SCAI: variants seen among roughly 807,000 people sequenced by gnomAD.
SCAI encodes the protein suppressor of cancer cell invasion, also known as protein SCAI.
A neutral mutation model predicts 92.2 loss-of-function variants in SCAI; 24 were observed. The observed-to-expected ratio is 0.26, with a 90% CI of 0.19 to 0.37. SCAI has a LOEUF of 0.37. Ranked by LOEUF, SCAI falls within the 10% of genes least tolerant of loss-of-function variation. The pLI, the probability that SCAI is intolerant of heterozygous loss-of-function variation, is 1.00. For missense variants in SCAI, 450 were observed against 736.2 expected, an observed-to-expected ratio of 0.61 and a Z score of 4.50; for synonymous variants, 261 against 258.6, an observed-to-expected ratio of 1.01 and a Z score of -0.09.
At chr9:124,968,688 T>G in intron 17 of SCAI, 2 of 1,368,572 alleles carry the variant, frequency 1.5e-6, no homozygotes, top group Admixed American at 3.4e-5. Context: ...AGTTCCCGAT[T>G]TCCTCAAATT....
At chr9:125,003,990 AC>A (rs1832419061) in intron 9 of SCAI, among the ~76,000 whole-genome samples, 1 of 152,152 alleles carries the variant, frequency 6.6e-6, no homozygotes, top group Non-Finnish European at 1.5e-5. Context: ...AGCCTGGCCA[AC>A]ATGGTGAAAC....
At position 124,999,962 on chromosome 9, in the gene SCAI, A is replaced by G; in HGVS notation, c.1173T>C (p.Thr391=). ...EGPYDFGGVL[T]NSNRDIINGD... is the part of the protein sequence containing the mutation. The stretch of plus-strand genomic sequence containing the variant: ...CATTAATAATATCCCGGTTACTATT[A>G]GTAAGTACACCTCCAAAATCATAAG... The change falls in exon 13 of 18, where the codon ACT becomes ACC. Residue 391 remains threonine, a synonymous_variant. Transcript: ENST00000336505. The G allele has an allele frequency of 6.3e-7, 1 of 1,588,084 alleles. No homozygotes were observed. The highest frequency in any genetic ancestry group is 8.6e-7 in the Non-Finnish European group (1 of 1,165,678).
intron 17 of SCAI, among the ~76,000 whole-genome samples, chr9:124,967,032 AAT>A (rs1831555124): frequency 6.6e-6 from 1 of 152,132 alleles, no homozygotes; most frequent in Non-Finnish European, 1.5e-5. Context: ...GTAAGAAAAT[AAT>A]ATAACATGAG....
At chr9:124,995,578 G>C (rs1419515538) in intron 13 of SCAI, among the ~76,000 whole-genome samples, 1 of 150,936 alleles carries the variant, frequency 6.6e-6, no homozygotes, top group Non-Finnish European at 1.5e-5. Flanking sequence ...CAACCTCCAT[G>C]TCCCGGGCTC....
In SCAI at chr9:124,948,714, G is replaced by A. The variant is rs1036880402; in HGVS notation, c.*4093C>T. 5.3e-5 allele frequency: 8 copies of A among 152,136 alleles called. No individual in the cohort carries two copies. Among genetic ancestry groups the A allele is most frequent in the Non-Finnish European group, 1.2e-4 (8 of 68,038 alleles). 9.4% of individuals were successfully genotyped at this position (152,136 alleles called of 1,614,324 possible). A position where few individuals can be genotyped will look rare whatever the true frequency, so the allele number is the denominator to read the frequency against. On this transcript the variant is annotated 3_prime_UTR_variant, in exon 18 of 18. Transcript: ENST00000336505. Reference sequence around the variant, plus strand: ...GCTTCATTTTGTTTTGTGTATAACTGACTTCTTGCAGTCTTATGCTTTCTA... The same window carrying A: ...GCTTCATTTTGTTTTGTGTATAACTAACTTCTTGCAGTCTTATGCTTTCTA...
rs576572769 is a variant in SCAI at position 125,071,697 on chromosome 9, C to T, written c.99-15690G>A. ...CAGTAGTAATTCAACTGAGACATAG[C>T]ACAACCTAGCAGAAAGTACTGCAGT... is the stretch of plus-strand genomic sequence containing the variant. On this transcript the variant is annotated intron_variant, in intron 2 of 17. Coordinates refer to ENST00000336505, the MANE Select transcript of SCAI (RefSeq NM_001144877.3). Among the ~76,000 whole-genome samples the T allele has an allele frequency of 3.7e-4, 57 of 152,012 alleles. 1 individual carries two copies. The highest frequency in any genetic ancestry group is 3.4e-3 in the Middle Eastern group (1 of 294).
chr9:124,952,968 A>G lies in SCAI; in HGVS notation c.1675-15T>C, dbSNP rs1407311690. On this transcript the variant is annotated splice_polypyrimidine_tract_variant and intron_variant, in intron 17 of 17. Transcript: ENST00000336505. Reference sequence around the variant, plus strand: ...TTTCGTGTTTCCTGGTAGGCAAAGAAGAGAAAAGTCAAGTTTTGTAGTCTA... The same window carrying G: ...TTTCGTGTTTCCTGGTAGGCAAAGAGGAGAAAAGTCAAGTTTTGTAGTCTA... 2 of 1,612,488 alleles carry G rather than the reference A, an allele frequency of 1.2e-6. No individual in the cohort carries two copies. Among genetic ancestry groups the G allele is most frequent in the Non-Finnish European group, 8.5e-7 (1 of 1,179,294 alleles).
intron 12 of SCAI, among the ~76,000 whole-genome samples, chr9:125,001,227 C>A (rs1832354685): frequency 1.3e-5 from 2 of 152,114 alleles, no homozygotes; most frequent in African/African-American, 4.8e-5. Flanking sequence ...AGGAAGATGG[C>A]AAGGACATGC....
At chr9:125,006,944 C>G (rs993480471) in intron 9 of SCAI, among the ~76,000 whole-genome samples, 10 of 152,080 alleles carry the variant, frequency 6.6e-5, no homozygotes, top group African/African-American at 2.4e-4. Flanking sequence ...CATGGTGAAA[C>G]CCCATCTCTA....
intron 17 of SCAI, among the ~76,000 whole-genome samples, chr9:124,953,550 C>T (rs536003480): frequency 2.6e-5 from 4 of 152,044 alleles, no homozygotes; most frequent in South Asian, 4.2e-4. Flanking sequence ...TGCTTGAACC[C>T]GGGAGGCGGA....
At chr9:125,068,135 CT>C (rs1166531637) in intron 2 of SCAI, among the ~76,000 whole-genome samples, 5 of 152,174 alleles carry the variant, frequency 3.3e-5, no homozygotes, top group Non-Finnish European at 4.4e-5. Context: ...GTTGCTAACA[CT>C]TAGTTATGTG....
intron 2 of SCAI, among the ~76,000 whole-genome samples, chr9:125,112,133 A>G (rs896563945): frequency 6.6e-6 from 1 of 152,148 alleles, no homozygotes; most frequent in African/African-American, 2.4e-5. Flanking sequence ...CTGGTATGGC[A>G]TTCAGAAGGG....
chr9:125,092,701 C>A (rs1564409776), intron 2 of SCAI, among the ~76,000 whole-genome samples: 1 of 152,220 alleles, frequency 6.6e-6, no homozygotes, highest in Admixed American at 6.5e-5. Context: ...CACCAATGGG[C>A]CTCTGTGCTG....
At chr9:125,009,199 T>C (rs1422922181) in intron 9 of SCAI, among the ~76,000 whole-genome samples, 3 of 152,084 alleles carry the variant, frequency 2.0e-5, no homozygotes, top group African/African-American at 7.2e-5. Context: ...TTGGAAAAAA[T>C]ACAAAATATC....
intron 9 of SCAI, among the ~76,000 whole-genome samples, chr9:125,008,956 G>A (rs1385487587): frequency 2.0e-5 from 3 of 151,850 alleles, no homozygotes; most frequent in Non-Finnish European, 4.4e-5. Flanking sequence ...ACACACAGAG[G>A]AAAGAAACAT....
intron 9 of SCAI, among the ~76,000 whole-genome samples, chr9:125,006,323 C>T (rs1832506143): frequency 6.6e-6 from 1 of 152,094 alleles, no homozygotes; most frequent in Non-Finnish European, 1.5e-5. Context: ...GGAGACCAGC[C>T]AAGAGGCGGG....
Position 125,003,132 on chromosome 9 carries a change from G to A in SCAI, c.1047C>T (p.Phe349=), listed in dbSNP as rs1259463916. ...CACATACCTTAAAAGACGCTGCTAA[G>A]AAGGTATATAGCTGGCTGAAGGTTG... is the stretch of plus-strand genomic sequence containing the variant. The part of the protein sequence containing the change: ...YKPTFSQLYT[F]LAASFKELPA... The change falls in exon 11 of 18, where the codon TTC becomes TTT. Residue 349 remains phenylalanine, a synonymous_variant. Coordinates refer to ENST00000336505, the MANE Select transcript of SCAI (RefSeq NM_001144877.3). 1 of 1,611,720 alleles carries A rather than the reference G, an allele frequency of 6.2e-7. No homozygotes were observed. Among genetic ancestry groups the A allele is most frequent in the East Asian group, 2.2e-5 (1 of 44,862 alleles).
chr9:124,946,773 G>A lies in SCAI; in HGVS notation c.*6034C>T, dbSNP rs147743028. ...ATATTAAAAACTCTACTTCATGTGCGAATATATCATCAACTTGCAGAACAC... is the reference window on the plus strand; with the variant it reads ...ATATTAAAAACTCTACTTCATGTGCAAATATATCATCAACTTGCAGAACAC... On this transcript the variant is annotated 3_prime_UTR_variant, in exon 18 of 18. Coordinates refer to ENST00000336505, the MANE Select transcript of SCAI (RefSeq NM_001144877.3). The surrounding 1 kb of genome is among the most constrained non-coding windows in gnomAD (Gnocchi z 4.0). 1.6e-4 allele frequency: 25 copies of A among 152,214 alleles called. No homozygotes were observed. The highest frequency in any genetic ancestry group is 3.1e-4 in the Non-Finnish European group (21 of 68,004). 9.4% of individuals were successfully genotyped at this position (152,214 alleles called of 1,614,324 possible).
At chr9:125,031,195 C>T (rs1343930267) in intron 3 of SCAI, among the ~76,000 whole-genome samples, 1 of 151,780 alleles carries the variant, frequency 6.6e-6, no homozygotes, top group African/African-American at 2.4e-5. Context: ...GCTACAGGTA[C>T]ATGGAGCTAA....
Sources: allele counts gnomAD v4.1 joint callset (sites outside exome capture counted in the v4.1 genomes callset), GRCh38; gene constraint gnomAD v4.1.1; non-coding constraint Gnocchi (gnomAD v3.1); transcripts MANE v1.5; gene names NCBI Gene and HGNC (gene_info 2026-07-23, HGNC 2026-07-21).